Variants in IWS1 observed in about 807,000 individuals in gnomAD.
The protein encoded by IWS1 is protein IWS1 homolog.
A neutral mutation model predicts 86.7 loss-of-function variants in IWS1; 27 were observed. The ratio of observed to expected loss-of-function variants is 0.31; its 90% CI spans 0.23 to 0.43. IWS1 has a LOEUF of 0.43. Among genes scored for constraint, IWS1 ranks in the 20% least tolerant of loss-of-function variants. IWS1 has a pLI of 1.00. For synonymous variants in IWS1, 313 were observed against 335.1 expected, an observed-to-expected ratio of 0.93 and a Z score of 0.72; for missense variants, 827 against 1,000.8, an observed-to-expected ratio of 0.83 and a Z score of 2.34.
rs778248621 is a variant in IWS1 at position 127,505,468 on chromosome 2, G to A, written c.435C>T (p.Asp145=). The change falls in exon 3 of 14, where the codon GAC becomes GAT. Residue 145 remains aspartate, a synonymous_variant. Coordinates refer to ENST00000295321, the MANE Select transcript of IWS1 (RefSeq NM_017969.3). This position sits in a 1 kb window ranked among gnomAD's most constrained non-coding sequence, Gnocchi z 5.0. ...NEELLNGHAS[D]SENEDVGKHP... is the part of the protein sequence containing the mutation. ...GCTTCCCAACATCTTCGTTTTCTGA[G>A]TCACTTGCATGCCCATTAAGAAGTT... 6.2e-7 allele frequency: 1 copy of A among 1,614,126 alleles called. No individual in the cohort carries two copies.
chr2:127,504,098 T>C (rs1263456523), intron 3 of IWS1, among the ~76,000 whole-genome samples: 2 of 152,220 alleles, frequency 1.3e-5, no homozygotes, highest in South Asian at 2.1e-4. Context: ...TAATGAAATA[T>C]GTCTTTTCCA....
intron 10 of IWS1, among the ~76,000 whole-genome samples, chr2:127,490,422 T>C (rs1053619363): frequency 6.6e-6 from 1 of 152,190 alleles, no homozygotes; most frequent in Non-Finnish European, 1.5e-5. Flanking sequence ...GGTGGAGACT[T>C]TGTACTTCAT....
At chr2:127,526,152 G>A (rs531714849) in intron 1 of IWS1, 23 bp downstream of exon 1, 5 of 1,590,144 alleles carry the variant, frequency 3.1e-6, no homozygotes, top group South Asian at 2.3e-5. Flanking sequence ...CTCCCAGCCC[G>A]GTCCCCCAGG....
In IWS1 at chr2:127,505,657, A is replaced by T; in HGVS notation, c.246T>A (p.Ser82=). 7 of 1,614,056 alleles carry T rather than the reference A, an allele frequency of 4.3e-6. No individual in the cohort carries two copies. Among genetic ancestry groups the T allele is most frequent in the Non-Finnish European group, 5.9e-6 (7 of 1,180,008 alleles). ...DEPLNLNASD[S]ESEELHRQKD... is the part of the protein sequence containing the mutation. ...TTTGCCTGTGAAGCTCCTCACTTTC[A>T]GAGTCACTAGCATTAAGATTTAAGG... is the stretch of plus-strand genomic sequence containing the variant. The change falls in exon 3 of 14, where the codon TCT becomes TCA. Residue 82 remains serine (S), a synonymous_variant. Coordinates refer to ENST00000295321, the MANE Select transcript of IWS1 (RefSeq NM_017969.3). This position sits in a 1 kb window ranked among gnomAD's most constrained non-coding sequence, Gnocchi z 5.0.
At chr2:127,521,831 A>G (rs143720219) in intron 2 of IWS1, among the ~76,000 whole-genome samples, 172 of 152,304 alleles carry the variant, frequency 1.1e-3, no homozygotes, top group African/African-American at 3.9e-3. Flanking sequence ...TTTAGAATCC[A>G]TATTATAAAA....
chr2:127,504,419 A>C lies in IWS1; in HGVS notation c.1219+265T>G, dbSNP rs946597018. Among the ~76,000 whole-genome samples, 4 of 152,156 alleles carry C rather than the reference A, an allele frequency of 2.6e-5. 1 individual carries two copies. Among genetic ancestry groups the C allele is most frequent in the South Asian group, 4.1e-4 (2 of 4,824 alleles). ...TACCTCTTCCAGTTTTAAAAAAAAA[A>C]AACAGTATTTTATATTCCTATTGAC... On this transcript the variant is annotated intron_variant, in intron 3 of 13. Coordinates refer to ENST00000295321, the MANE Select transcript of IWS1 (RefSeq NM_017969.3).
chr2:127,509,947 G>A (rs1367286682), intron 2 of IWS1, among the ~76,000 whole-genome samples: 1 of 152,102 alleles, frequency 6.6e-6, no homozygotes, highest in Non-Finnish European at 1.5e-5. Flanking sequence ...AATTTGTAAA[G>A]TATTCAAATT....
intron 2 of IWS1, among the ~76,000 whole-genome samples, chr2:127,508,077 A>C (rs1691239466): frequency 6.6e-6 from 1 of 152,208 alleles, no homozygotes; most frequent in African/African-American, 2.4e-5. Flanking sequence ...AGGGATACTC[A>C]ACGTGTATTT....
chr2:127,481,215 T>G, intron 13 of IWS1, 40 bp from the exon 14 acceptor site: 1 of 1,561,298 alleles, frequency 6.4e-7, no homozygotes, highest in Admixed American at 2.1e-5. Context: ...ACTACTGAAA[T>G]ACGTAAGTCT....
chr2:127,510,892 G>A (rs1691412380), intron 2 of IWS1, among the ~76,000 whole-genome samples: 1 of 152,162 alleles, frequency 6.6e-6, no homozygotes, highest in Non-Finnish European at 1.5e-5. Context: ...GAACTTTGGA[G>A]AAAACCATAC....
At chr2:127,508,237 G>C (rs1691249175) in intron 2 of IWS1, among the ~76,000 whole-genome samples, 1 of 152,192 alleles carries the variant, frequency 6.6e-6, no homozygotes, top group African/African-American at 2.4e-5. Flanking sequence ...GCTGCTGTCT[G>C]ATGAGGAGCC....
At position 127,526,168 on chromosome 2, in the gene IWS1, GC is replaced by G; in HGVS notation, c.34+6del. ...TCCCAGCCCGGTCCCCCAGGTCCCT[GC>G]CCCACCTGACTGGTCGCCGCTGTAA... On this transcript the variant is annotated splice_donor_region_variant and intron_variant, in intron 1 of 13. Coordinates refer to ENST00000295321, the MANE Select transcript of IWS1 (RefSeq NM_017969.3). 1 of 1,598,804 alleles carries G rather than the reference GC, an allele frequency of 6.3e-7. No individual in the cohort carries two copies. The highest frequency in any genetic ancestry group is 8.5e-7 in the Non-Finnish European group (1 of 1,173,058).
At chr2:127,481,922 A>T (rs1044808981) in intron 13 of IWS1, among the ~76,000 whole-genome samples, 3 of 152,166 alleles carry the variant, frequency 2.0e-5, no homozygotes, top group African/African-American at 7.2e-5. Context: ...ACACAAAAAG[A>T]ATATTAAGTC....
Position 127,489,993 on chromosome 2 carries a change from T to C in IWS1, c.2048-50A>G, listed in dbSNP as rs764602367. 9.6e-6 allele frequency: 10 copies of C among 1,046,824 alleles called. No individual in the cohort carries two copies. In the South Asian group the frequency reaches 1.1e-4, roughly 12 times the overall value. 64.8% of individuals were successfully genotyped at this position (1,046,824 alleles called of 1,614,324 possible). A position where few individuals can be genotyped will look rare whatever the true frequency, so the allele number is the denominator to read the frequency against. On this transcript the variant is annotated intron_variant, in intron 10 of 13. Coordinates refer to ENST00000295321, the MANE Select transcript of IWS1 (RefSeq NM_017969.3). The surrounding 1 kb of genome is among the most constrained non-coding windows in gnomAD (Gnocchi z 4.8). ...TTTTGTCCATAAAATTGCATTTCCA[T>C]TTTTTTCAAATAATTGCACCCCAGT... is the stretch of plus-strand genomic sequence containing the variant.
rs977771375 is a variant in IWS1 at position 127,485,050 on chromosome 2, G to A, written c.2328+1503C>T. 2.6e-5 allele frequency among the ~76,000 whole-genome samples: 4 copies of A among 152,134 alleles called. No homozygotes were observed. The East Asian group carries it at 5.8e-4, about 22-fold the overall frequency. On this transcript the variant is annotated intron_variant, in intron 13 of 13. Transcript: ENST00000295321. ...AGGACAGAAGGGCAAAAAAGAAACA[G>A]GTACAGGGGACATGGAGAGGTGGTC...
intron 10 of IWS1, among the ~76,000 whole-genome samples, chr2:127,490,279 A>G (rs1417294091): frequency 6.6e-6 from 1 of 152,202 alleles, no homozygotes; most frequent in Admixed American, 6.5e-5. Context: ...AAGGCAGACT[A>G]ATTTCTAAGT....
Position 127,505,109 on chromosome 2 carries a change from T to C in IWS1, c.794A>G (p.Asn265Ser), listed in dbSNP as rs1294274284. The change falls in exon 3 of 14, where the codon AAT (asparagine) becomes AGT (serine). Residue 265 changes from asparagine to serine, a missense_variant. By Grantham distance (46) the Asn-to-Ser change is conservative. Transcript: ENST00000295321. This position sits in a 1 kb window ranked among gnomAD's most constrained non-coding sequence, Gnocchi z 5.0. ...PPRHQASDSENEELPKPRISD... is the reference protein window; with the variant it reads ...PPRHQASDSESEELPKPRISD... ...GATTCGGGGTTTGGGAAGCTCTTCA[T>C]TTTCTGAGTCACTGGCCTGGTGCCT... 6.2e-7 allele frequency: 1 copy of C among 1,610,372 alleles called. No individual in the cohort carries two copies. The highest frequency in any genetic ancestry group is 1.1e-5 in the South Asian group (1 of 90,792).
At chr2:127,520,496 C>T (rs1231293093) in intron 2 of IWS1, among the ~76,000 whole-genome samples, 3 of 152,154 alleles carry the variant, frequency 2.0e-5, no homozygotes, top group Non-Finnish European at 4.4e-5. Context: ...TGCAACCGTA[C>T]TCTTTTAACA....
Position 127,526,396 on chromosome 2 carries a change from CG to C in IWS1, c.-189del, listed in dbSNP as rs1265981012. Reference sequence around the variant, plus strand: ...GAATTCTTTGACCTGGAAGCCCCGGCGGAAAAGGCCGTACCCGGCAGGCTGG... The same window carrying C: ...GAATTCTTTGACCTGGAAGCCCCGGCGAAAAGGCCGTACCCGGCAGGCTGG... On this transcript the variant is annotated 5_prime_UTR_variant, in exon 1 of 14. The change abolishes the stop of an existing upstream ORF in the 5' untranslated region. Coordinates refer to ENST00000295321, the MANE Select transcript of IWS1 (RefSeq NM_017969.3). 6.5e-6 allele frequency: 10 copies of C among 1,535,660 alleles called. No individual in the cohort carries two copies. Among genetic ancestry groups the C allele is most frequent in the Non-Finnish European group, 7.9e-6 (9 of 1,145,794 alleles).
Sources: gnomAD v4.1 joint callset for allele counts (sites outside exome capture counted in the v4.1 genomes callset) on GRCh38, gnomAD v4.1.1 for gene constraint, Gnocchi (gnomAD v3.1) non-coding constraint, MANE v1.5 for transcripts, NCBI Gene and HGNC (gene_info 2026-07-23, HGNC 2026-07-21) for gene names.